The following GPATCH8 variants were observed in gnomAD, a reference collection of about 807,000 sequenced individuals.
The protein encoded by GPATCH8 is G-patch domain containing 8.
GPATCH8 carries 18 observed loss-of-function variants against 118.3 expected under a neutral mutation model. That is an observed-to-expected ratio of 0.15 (90% CI 0.11 to 0.23). The LOEUF is 0.23. Among genes scored for constraint, GPATCH8 ranks in the 10% least tolerant of loss-of-function variants. The pLI is 1.00. For missense variants in GPATCH8, 1,631 were observed against 1,873.8 expected (o/e 0.87, Z 2.39); for synonymous variants, 659 against 684.7 (o/e 0.96, Z 0.59).
At chr17:44,478,064 G>A (rs1012469674) in intron 1 of GPATCH8, among the ~76,000 whole-genome samples, 12 of 152,116 alleles carry the variant, frequency 7.9e-5, no homozygotes, top group African/African-American at 2.9e-4. Context: ...GACCTCAAGT[G>A]ATCTGCCCGC....
chr17:44,478,295 C>T (rs985356082), intron 1 of GPATCH8, among the ~76,000 whole-genome samples: 1 of 152,274 alleles, frequency 6.6e-6, no homozygotes, highest in East Asian at 1.9e-4. Context: ...CATTATAGTA[C>T]AGAACACCAA....
intron 2 of GPATCH8, chr17:44,464,929 TAAGA>T: frequency 1.1e-5 from 2 of 187,966 alleles, no homozygotes; most frequent in South Asian, 1.0e-4. Context: ...AGCACCACTT[TAAGA>T]TTTTTTTTTT....
intron 1 of GPATCH8, chr17:44,486,087 GT>G (rs1355201868): frequency 6.6e-6 from 1 of 152,048 alleles, no homozygotes; most frequent in Non-Finnish European, 1.5e-5. Context: ...TGTGGTTTTT[GT>G]TTTGTTTTTG....
intron 3 of GPATCH8, among the ~76,000 whole-genome samples, chr17:44,445,127 G>C (rs1054875317): frequency 2.0e-5 from 3 of 152,068 alleles, no homozygotes; most frequent in Non-Finnish European, 2.9e-5. Flanking sequence ...AGAGCCTTAA[G>C]GCTTGTTCAA....
At chr17:44,471,923 T>A (rs559364655) in intron 2 of GPATCH8, among the ~76,000 whole-genome samples, 1 of 149,576 alleles carries the variant, frequency 6.7e-6, no homozygotes, top group African/African-American at 2.4e-5. Flanking sequence ...AAAATTTTAC[T>A]CACAAATGAT....
At chr17:44,477,340 T>C (rs1300900647) in intron 1 of GPATCH8, among the ~76,000 whole-genome samples, 1 of 152,184 alleles carries the variant, frequency 6.6e-6, no homozygotes, top group Non-Finnish European at 1.5e-5. Context: ...GAACAAGTTC[T>C]AGAACAAGAT....
At chr17:44,467,970 G>A (rs997813864) in intron 2 of GPATCH8, among the ~76,000 whole-genome samples, 2 of 151,468 alleles carry the variant, frequency 1.3e-5, no homozygotes, top group African/African-American at 4.9e-5. Flanking sequence ...GTTAACGACT[G>A]TAATTTTTGC....
At chr17:44,472,108 C>T (rs1392175487) in intron 2 of GPATCH8, among the ~76,000 whole-genome samples, 1 of 151,776 alleles carries the variant, frequency 6.6e-6, no homozygotes, top group African/African-American at 2.4e-5. Flanking sequence ...ACAAATAATG[C>T]ATATATTTAT....
At chr17:44,435,890 C>T (rs1225947653) in intron 4 of GPATCH8, among the ~76,000 whole-genome samples, 1 of 150,424 alleles carries the variant, frequency 6.6e-6, no homozygotes. Flanking sequence ...GGCATGGTGT[C>T]ATGCGCCTGT....
chr17:44,429,287 C>T (rs1274200486), intron 5 of GPATCH8, among the ~76,000 whole-genome samples: 1 of 152,056 alleles, frequency 6.6e-6, no homozygotes, highest in African/African-American at 2.4e-5. Context: ...AAAGACCCTT[C>T]CATGAATCTG....
intron 1 of GPATCH8, among the ~76,000 whole-genome samples, chr17:44,497,329 C>T (rs1969731335): frequency 6.6e-6 from 1 of 152,192 alleles, no homozygotes; most frequent in South Asian, 2.1e-4. Flanking sequence ...GTGGCACATG[C>T]CTGTAATCTC....
intron 1 of GPATCH8, among the ~76,000 whole-genome samples, chr17:44,493,719 C>G (rs1969456893): frequency 6.6e-6 from 1 of 152,200 alleles, no homozygotes; most frequent in Non-Finnish European, 1.5e-5. Context: ...AAAATTCCGT[C>G]TCTTTTATTT....
intron 1 of GPATCH8, among the ~76,000 whole-genome samples, chr17:44,498,394 A>G (rs1000976416): frequency 3.3e-5 from 5 of 152,242 alleles, no homozygotes; most frequent in African/African-American, 1.2e-4. Flanking sequence ...CCCAACCCCA[A>G]TCTTTCCTAA....
rs1335769453 is a variant in GPATCH8 at position 44,401,397 on chromosome 17, CCTT to C, written c.677_679del (p.Glu226del). On this transcript the variant is annotated inframe_deletion, in exon 8 of 8. Transcript: ENST00000591680. ...TGATTCATCTTTATCATCTTCTCCA[CCTT>C]CTTCATCTACAGCCACTGTGGTTGG... The C allele has an allele frequency of 1.9e-6, 3 of 1,613,200 alleles. No homozygotes were observed. In the Admixed American group the frequency reaches 5.0e-5, roughly 27 times the overall value.
intron 6 of GPATCH8, among the ~76,000 whole-genome samples, chr17:44,409,657 T>C (rs2049360981): frequency 6.6e-6 from 1 of 152,218 alleles, no homozygotes; most frequent in South Asian, 2.1e-4. Context: ...AATCCACTTA[T>C]TACTAGGTGA....
chr17:44,495,592 C>T (rs1405215775), intron 1 of GPATCH8, among the ~76,000 whole-genome samples: 2 of 152,196 alleles, frequency 1.3e-5, no homozygotes, highest in Non-Finnish European at 2.9e-5. Context: ...ACAATACGTA[C>T]TTCTTCGTAC....
At chr17:44,407,853 C>T (rs1432866155) in intron 6 of GPATCH8, among the ~76,000 whole-genome samples, 1 of 152,010 alleles carries the variant, frequency 6.6e-6, no homozygotes, top group Non-Finnish European at 1.5e-5. Flanking sequence ...GACGAGGTTT[C>T]ACCATGTTGG....
chr17:44,399,861 C>A lies in GPATCH8; in HGVS notation c.2216G>T (p.Gly739Val), dbSNP rs757899271. Residue 739 changes from glycine to valine, a missense_variant, in exon 8 of 8, where the codon GGC (glycine) becomes GTC (valine). Coordinates refer to ENST00000591680, the MANE Select transcript of GPATCH8 (RefSeq NM_001002909.4). ...CCTTCTTCTTGGTGGTGCGGGACTG[C>A]CACTCCCAGGGGGTTCTGGTTTGGG... is the stretch of plus-strand genomic sequence containing the variant. ...RGPKPEPPGSGSPAPPRRRRR... is the reference protein window; with the variant it reads ...RGPKPEPPGSVSPAPPRRRRR... 5 of 1,613,770 alleles carry A rather than the reference C, an allele frequency of 3.1e-6. No homozygotes were observed. The highest frequency in any genetic ancestry group is 2.2e-5 in the East Asian group (1 of 44,866).
rs563091417 is a variant in GPATCH8, at chr17:44,415,748, C to T, written c.492+8601G>A. On this transcript the variant is annotated intron_variant, in intron 6 of 7. Transcript: ENST00000591680. ...CTACAATAGAACAAAGAGTCTAATCCCAGCATCTCTACCACAGTGCATCAC... is the reference window on the plus strand; with the variant it reads ...CTACAATAGAACAAAGAGTCTAATCTCAGCATCTCTACCACAGTGCATCAC... Among the ~76,000 whole-genome samples the T allele has an allele frequency of 9.9e-5, 15 of 152,182 alleles. No homozygotes were observed. The South Asian group carries it at 2.5e-3, about 25-fold the overall frequency.
Sources: allele counts gnomAD v4.1 joint callset (sites outside exome capture counted in the v4.1 genomes callset), GRCh38; gene constraint gnomAD v4.1.1; transcripts MANE v1.5; gene names NCBI Gene and HGNC (gene_info 2026-07-23, HGNC 2026-07-21).